Variants in ENPP6 observed in about 807,000 individuals in gnomAD.
ENPP6 encodes the protein glycerophosphocholine cholinephosphodiesterase ENPP6.
A neutral mutation model predicts 42.0 loss-of-function variants in ENPP6; 32 were observed. The observed-to-expected ratio is 0.76, with a 90% CI of 0.58 to 1.02. ENPP6 has a LOEUF of 1.02. ENPP6 is among the 50% of genes least tolerant of loss of function. The pLI is 0.00. For synonymous variants in ENPP6, 213 were observed against 216.0 expected, an observed-to-expected ratio of 0.99 and a Z score of 0.12; for missense variants, 552 against 566.8, an observed-to-expected ratio of 0.97 and a Z score of 0.27.
chr4:184,110,048 G>T (rs180960694), intron 6 of ENPP6, among the ~76,000 whole-genome samples: 71 of 152,200 alleles, frequency 4.7e-4, no homozygotes, highest in Middle Eastern at 3.4e-3. Flanking sequence ...GGAAGGATTA[G>T]GGGGAGATGG....
intron 6 of ENPP6, among the ~76,000 whole-genome samples, chr4:184,101,784 C>T (rs1237393640): frequency 6.6e-6 from 1 of 152,194 alleles, no homozygotes; most frequent in Non-Finnish European, 1.5e-5. Flanking sequence ...CCAGTGCCTT[C>T]CAGGACCCCT....
chr4:184,176,736 GA>G (rs34980515), intron 1 of ENPP6, among the ~76,000 whole-genome samples: 121,132 of 152,092 alleles, frequency 0.8, 51,589 homozygotes, highest in East Asian at 1. Flanking sequence ...TTAATCATGA[GA>G]AATTAGCACA....
intron 6 of ENPP6, among the ~76,000 whole-genome samples, chr4:184,111,404 C>G (rs1469296494): frequency 6.6e-6 from 1 of 152,220 alleles, no homozygotes; most frequent in African/African-American, 2.4e-5. Context: ...AGGTGACTTG[C>G]TTGACCACAT....
chr4:184,137,388 T>A (rs180706813), intron 2 of ENPP6, among the ~76,000 whole-genome samples: 98 of 152,354 alleles, frequency 6.4e-4, no homozygotes, highest in African/African-American at 2.2e-3. Flanking sequence ...TGAGCCACTG[T>A]GCCCGGCCTA....
chr4:184,097,439 C>T, intron 6 of ENPP6, 71 bp from the exon 7 acceptor site: 1 of 1,591,290 alleles, frequency 6.3e-7, no homozygotes, highest in African/African-American at 1.3e-5. Flanking sequence ...CTGCTCCAAG[C>T]CGCCACTCCA....
At chr4:184,179,093 G>C (rs4543169) in intron 1 of ENPP6, among the ~76,000 whole-genome samples, 128,960 of 152,246 alleles carry the variant, frequency 0.85, 55,916 homozygotes, top group East Asian at 1. Context: ...GCTGAATAAA[G>C]AGTCAAGACC....
intron 1 of ENPP6, among the ~76,000 whole-genome samples, chr4:184,177,384 G>T (rs933102368): frequency 6.6e-6 from 1 of 152,138 alleles, no homozygotes; most frequent in African/African-American, 2.4e-5. Flanking sequence ...GAGCCCCTAG[G>T]GCATGGAGTG....
intron 7 of ENPP6, among the ~76,000 whole-genome samples, chr4:184,095,615 G>A (rs917886484): frequency 6.6e-6 from 1 of 150,680 alleles, no homozygotes; most frequent in Admixed American, 6.6e-5. Flanking sequence ...AGCTGAGATG[G>A]CACCATTGCA....
At chr4:184,137,918 C>T (rs979443761) in intron 2 of ENPP6, among the ~76,000 whole-genome samples, 1 of 152,214 alleles carries the variant, frequency 6.6e-6, no homozygotes, top group Non-Finnish European at 1.5e-5. Context: ...CTTGGCATGT[C>T]TCTGGTCCAT....
At chr4:184,199,062 C>T (rs1732850441) in intron 1 of ENPP6, among the ~76,000 whole-genome samples, 1 of 152,204 alleles carries the variant, frequency 6.6e-6, no homozygotes, top group African/African-American at 2.4e-5. Context: ...CATATGTGAC[C>T]AGAGACCAAG....
intron 1 of ENPP6, among the ~76,000 whole-genome samples, chr4:184,181,817 T>G (rs1200523376): frequency 6.6e-6 from 1 of 151,946 alleles, no homozygotes; most frequent in South Asian, 2.1e-4. Context: ...ATGCAGGAAA[T>G]TAAAACTGGA....
chr4:184,176,220 C>G (rs926775694), intron 1 of ENPP6, among the ~76,000 whole-genome samples: 1 of 152,214 alleles, frequency 6.6e-6, no homozygotes, highest in African/African-American at 2.4e-5. Flanking sequence ...GAAGCAGCAC[C>G]TTTGGCCAAC....
At chr4:184,098,304 G>A (rs573542603) in intron 6 of ENPP6, among the ~76,000 whole-genome samples, 1 of 152,318 alleles carries the variant, frequency 6.6e-6, no homozygotes, top group African/African-American at 2.4e-5. Flanking sequence ...TGACCTGTGA[G>A]GCCCACTCTA....
intron 1 of ENPP6, among the ~76,000 whole-genome samples, chr4:184,216,074 C>T (rs370004658): frequency 1.3e-5 from 2 of 152,286 alleles, no homozygotes; most frequent in East Asian, 1.9e-4. Context: ...CTGCACGTGG[C>T]GTGGCAGTTT....
intron 1 of ENPP6, among the ~76,000 whole-genome samples, chr4:184,186,355 C>G (rs1732634790): frequency 6.6e-6 from 1 of 152,152 alleles, no homozygotes; most frequent in South Asian, 2.1e-4. Flanking sequence ...GATAAAATAT[C>G]TACAAAAGGC....
chr4:184,155,641 G>A lies in ENPP6; in HGVS notation c.242-1908C>T, dbSNP rs1737145205. 2.0e-5 allele frequency among the ~76,000 whole-genome samples: 3 copies of A among 152,284 alleles called. No homozygotes were observed. In the South Asian group the frequency reaches 6.2e-4, roughly 32 times the overall value. On this transcript the variant is annotated intron_variant, in intron 1 of 7. Coordinates refer to ENST00000296741, the MANE Select transcript of ENPP6 (RefSeq NM_153343.4). ...AGAGATGCCGAGGGAGAGGGGTGGA[G>A]GGATCTCTGCTTCCAAGCTTGAATT...
At chr4:184,105,328 TTC>T (rs1560979143) in intron 6 of ENPP6, among the ~76,000 whole-genome samples, 1 of 152,212 alleles carries the variant, frequency 6.6e-6, no homozygotes, top group Non-Finnish European at 1.5e-5. Flanking sequence ...ATGGTAGAAC[TTC>T]TGTTTCTGCA....
intron 2 of ENPP6, among the ~76,000 whole-genome samples, chr4:184,151,370 C>A (rs916603376): frequency 4.6e-5 from 7 of 152,242 alleles, no homozygotes; most frequent in Admixed American, 1.3e-4. Context: ...AATAATAATA[C>A]CCTGTACTGC....
At chr4:184,208,544 C>T (rs577032548) in intron 1 of ENPP6, among the ~76,000 whole-genome samples, 13 of 152,094 alleles carry the variant, frequency 8.5e-5, no homozygotes, top group Non-Finnish European at 1.9e-4. Flanking sequence ...GCTTAAAAAA[C>T]GGCGGACCAC....
Sources: allele counts gnomAD v4.1 joint callset (sites outside exome capture counted in the v4.1 genomes callset), GRCh38; gene constraint gnomAD v4.1.1; transcripts MANE v1.5; gene names NCBI Gene and HGNC (gene_info 2026-07-23, HGNC 2026-07-21).